ELMO1: variants seen among roughly 807,000 people sequenced by gnomAD.
ELMO1 encodes engulfment and cell motility protein 1.
ELMO1 carries 26 observed loss-of-function variants against 98.9 expected under a neutral mutation model. The ratio of observed to expected loss-of-function variants is 0.26; its 90% CI spans 0.19 to 0.36. The LOEUF (loss-of-function observed/expected upper bound fraction) is 0.36, where lower values mean the gene tolerates loss of function less well. ELMO1 is among the 10% of genes least tolerant of loss of function. The pLI is 1.00. For missense variants in ELMO1, 627 were observed against 935.2 expected (o/e 0.67, Z 4.30); for synonymous variants, 346 against 346.0 (o/e 1.00, Z 0.00).
intron 8 of ELMO1, among the ~76,000 whole-genome samples, chr7:37,227,568 T>A (rs1793937362): frequency 6.6e-6 from 1 of 152,088 alleles, no homozygotes; most frequent in South Asian, 2.1e-4. Context: ...CTATTTTTAG[T>A]AGAGATGGCA....
At chr7:36,868,990 C>T in intron 20 of ELMO1, among the ~76,000 whole-genome samples, 1 of 152,270 alleles carries the variant, frequency 6.6e-6, no homozygotes, top group East Asian at 1.9e-4. Flanking sequence ...GTAATCCCGG[C>T]TAGTGTTGAA....
chr7:36,987,460 T>A (rs1477093756), intron 16 of ELMO1, among the ~76,000 whole-genome samples: 3 of 152,150 alleles, frequency 2.0e-5, no homozygotes, highest in African/African-American at 7.2e-5. Context: ...TGGGCTTATG[T>A]TAGAGAGAAA....
chr7:36,963,768 A>ACT (rs1387490418), intron 16 of ELMO1, among the ~76,000 whole-genome samples: 5 of 152,064 alleles, frequency 3.3e-5, no homozygotes, highest in African/African-American at 1.2e-4. Context: ...TGTGTCCCAG[A>ACT]CTCCTGAGAG....
At chr7:37,368,173 A>T (rs1222656309) in intron 1 of ELMO1, among the ~76,000 whole-genome samples, 1 of 152,174 alleles carries the variant, frequency 6.6e-6, no homozygotes, top group East Asian at 1.9e-4. Flanking sequence ...TGGAAATCTC[A>T]TTCTAAACAT....
intron 15 of ELMO1, chr7:37,033,209 T>C (rs946006002): frequency 2.3e-4 from 81 of 347,618 alleles, no homozygotes; most frequent in African/African-American, 1.6e-3. Context: ...TGGGTGGGTT[T>C]ATGGTACCCA....
In ELMO1 at chr7:36,864,466, T is replaced by C. The variant is rs537717437; in HGVS notation, c.1906-2730A>G. Among the ~76,000 whole-genome samples the C allele has an allele frequency of 2.0e-5, 3 of 152,302 alleles. No individual in the cohort carries two copies. In the East Asian group the frequency reaches 5.8e-4, roughly 29 times the overall value. ...CTGGGAGGGGGTGGGAGGAATTAATTCTCTGAGCTGCATGTCTGTGTTAAA... is the reference window on the plus strand; with the variant it reads ...CTGGGAGGGGGTGGGAGGAATTAATCCTCTGAGCTGCATGTCTGTGTTAAA... On this transcript the variant is annotated intron_variant, in intron 20 of 21. Coordinates refer to ENST00000310758, the MANE Select transcript of ELMO1 (RefSeq NM_014800.11).
intron 17 of ELMO1, among the ~76,000 whole-genome samples, chr7:36,890,854 C>A (rs894048959): frequency 6.6e-6 from 1 of 152,222 alleles, no homozygotes; most frequent in Non-Finnish European, 1.5e-5. Context: ...GCTCCCTGCA[C>A]TTTTCTGGCC....
intron 16 of ELMO1, among the ~76,000 whole-genome samples, chr7:36,968,797 TTTG>T (rs1288626345): frequency 6.6e-6 from 1 of 152,124 alleles, no homozygotes; most frequent in Non-Finnish European, 1.5e-5. Context: ...TTTGGGTGCT[TTTG>T]TTGTTATTTT....
chr7:37,255,210 T>C (rs1476777361), intron 6 of ELMO1, among the ~76,000 whole-genome samples: 1 of 152,132 alleles, frequency 6.6e-6, no homozygotes, highest in Non-Finnish European at 1.5e-5. Flanking sequence ...TAATTTAAAA[T>C]GAAGCCATTA....
At chr7:37,037,051 A>G (rs1254466010) in intron 15 of ELMO1, among the ~76,000 whole-genome samples, 1 of 152,200 alleles carries the variant, frequency 6.6e-6, no homozygotes, top group Non-Finnish European at 1.5e-5. Flanking sequence ...GAGAAATACC[A>G]TGGGGTTACT....
intron 13 of ELMO1, among the ~76,000 whole-genome samples, chr7:37,144,371 G>GC (rs1787848775): frequency 6.6e-6 from 1 of 151,834 alleles, no homozygotes; most frequent in Non-Finnish European, 1.5e-5. Context: ...AGAATTTCAC[G>GC]CCAAAACATT....
chr7:37,017,016 C>T (rs1793980528), intron 15 of ELMO1, among the ~76,000 whole-genome samples: 3 of 152,234 alleles, frequency 2.0e-5, no homozygotes, highest in African/African-American at 7.2e-5. Flanking sequence ...TAAAACCTTA[C>T]AAGAGGCACA....
chr7:37,142,463 G>A (rs531433490), intron 13 of ELMO1, among the ~76,000 whole-genome samples: 8 of 152,292 alleles, frequency 5.3e-5, no homozygotes, highest in African/African-American at 9.6e-5. Context: ...GGAAACTGCC[G>A]CTCAGATGAG....
intron 15 of ELMO1, among the ~76,000 whole-genome samples, chr7:37,026,031 C>T (rs909436586): frequency 1.3e-5 from 2 of 151,926 alleles, no homozygotes; most frequent in African/African-American, 4.8e-5. Context: ...GTAAACAGTT[C>T]AAGGCAGGGC....
At chr7:36,935,269 A>G (rs1354209987) in intron 16 of ELMO1, among the ~76,000 whole-genome samples, 2 of 151,938 alleles carry the variant, frequency 1.3e-5, no homozygotes, top group African/African-American at 2.4e-5. Flanking sequence ...TGTGCCTTTC[A>G]CCTTCTGCCA....
intron 2 of ELMO1, among the ~76,000 whole-genome samples, chr7:37,325,170 T>C (rs1330373997): frequency 6.6e-6 from 1 of 152,232 alleles, no homozygotes; most frequent in Non-Finnish European, 1.5e-5. Flanking sequence ...TTCCTCCTTC[T>C]TCCTTAAAGT....
In ELMO1 at chr7:36,878,047, A is replaced by T. The variant is rs1159824257; in HGVS notation, c.1785T>A (p.Pro595=). 2 of 1,613,974 alleles carry T rather than the reference A, an allele frequency of 1.2e-6. No individual in the cohort carries two copies. Among genetic ancestry groups the T allele is most frequent in the Non-Finnish European group, 1.7e-6 (2 of 1,179,960 alleles). The part of the protein sequence containing the change: ...VLHYGDLEES[P]QGEVPHDSLQ... ...AGGAATCGTGGGGCACTTCTCCCTG[A>T]GGACTCTCTTCTAAGTCTCCGTAAT... The change falls in exon 19 of 22, where the codon CCT becomes CCA. Residue 595 remains proline, a synonymous_variant. Transcript: ENST00000310758.
At chr7:37,372,654 A>G (rs1562649438) in intron 1 of ELMO1, among the ~76,000 whole-genome samples, 1 of 152,246 alleles carries the variant, frequency 6.6e-6, no homozygotes, top group Non-Finnish European at 1.5e-5. Context: ...CCCAGGGCTA[A>G]CAGAAACATA....
In ELMO1 at chr7:37,419,375, T is replaced by A. The variant is rs182020393; in HGVS notation, c.-74+29300A>T. ...CTATCTGGAAATGTCAATATATTCATGGGCCGTTTGTGATTGGATGGGTTT... is the reference window on the plus strand; with the variant it reads ...CTATCTGGAAATGTCAATATATTCAAGGGCCGTTTGTGATTGGATGGGTTT... On this transcript the variant is annotated intron_variant, in intron 1 of 21. Transcript: ENST00000310758. Among the ~76,000 whole-genome samples the A allele has an allele frequency of 4.6e-5, 7 of 152,274 alleles. No individual in the cohort carries two copies. In the East Asian group the frequency reaches 7.7e-4, roughly 17 times the overall value.
Sources: allele counts gnomAD v4.1 joint callset (sites outside exome capture counted in the v4.1 genomes callset), GRCh38; gene constraint gnomAD v4.1.1; transcripts MANE v1.5; gene names NCBI Gene and HGNC (gene_info 2026-07-23, HGNC 2026-07-21).